The following GSE1 variants were observed in gnomAD, a reference collection of about 807,000 sequenced individuals.
GSE1 encodes the protein Gse1 coiled-coil protein.
Under a neutral mutation model 112.6 loss-of-function variants are expected in GSE1, and 32 were observed. The ratio of observed to expected loss-of-function variants is 0.28; its 90% confidence interval spans 0.21 to 0.38. GSE1 has a LOEUF of 0.38. GSE1 is among the 10% of genes least tolerant of loss of function. The pLI, the probability that GSE1 is intolerant of heterozygous loss-of-function variation, is 1.00. For missense variants in GSE1, 2,348 were observed against 1,699.2 expected (o/e 1.38, Z -6.71); for synonymous variants, 1,115 against 735.6 (o/e 1.52, Z -8.35).
At chr16:85,506,550 A>G (rs1449421165) in intron 2 of GSE1, among the ~76,000 whole-genome samples, 1 of 152,116 alleles carries the variant, frequency 6.6e-6, no homozygotes, top group Non-Finnish European at 1.5e-5. Flanking sequence ...TGGAGTGGCT[A>G]GTGCAGAAGG....
chr16:85,641,843 G>C (rs970639139), intron 2 of GSE1, among the ~76,000 whole-genome samples: 1 of 152,224 alleles, frequency 6.6e-6, no homozygotes, highest in Non-Finnish European at 1.5e-5. Context: ...TGTGGCTCCC[G>C]TGGGCCTCCT....
At chr16:85,610,449 G>A (rs999702021), upstream of GSE1, among the ~76,000 whole-genome samples, 9 of 152,248 alleles carry the variant, frequency 5.9e-5, no homozygotes, top group African/African-American at 1.7e-4. Context: ...AGGGAGGCCA[G>A]CCTTAGCCCC....
chr16:85,319,121 C>A (rs781227167), intron 1 of GSE1, among the ~76,000 whole-genome samples: 5 of 152,224 alleles, frequency 3.3e-5, no homozygotes, highest in Non-Finnish European at 7.3e-5. Context: ...TCGCTCACCC[C>A]CTCCCTTCTC....
At chr16:85,211,865 G>A (rs982316214) in intron 1 of GSE1, among the ~76,000 whole-genome samples, 1 of 152,226 alleles carries the variant, frequency 6.6e-6, no homozygotes, top group African/African-American at 2.4e-5. Flanking sequence ...TTTCCAGCAG[G>A]GCTCTCTTCC....
intron 1 of GSE1, among the ~76,000 whole-genome samples, chr16:85,240,642 G>A (rs997800112): frequency 2.1e-4 from 32 of 152,316 alleles, no homozygotes; most frequent in African/African-American, 7.0e-4. Flanking sequence ...TGCATGGAGG[G>A]GTCATGAAGA....
At chr16:85,428,465 G>A (rs1225727590) in intron 2 of GSE1, among the ~76,000 whole-genome samples, 2 of 152,256 alleles carry the variant, frequency 1.3e-5, no homozygotes, top group Admixed American at 6.5e-5. Flanking sequence ...TTGCTTAGCT[G>A]TAAAATGGGG....
intron 9 of GSE1, chr16:85,662,356 G>C (rs375870562): frequency 6.5e-6 from 1 of 153,796 alleles, no homozygotes; most frequent in African/African-American, 2.4e-5. Context: ...CTCCAGCCCA[G>C]TTTTCTTCCT....
At chr16:85,211,521 C>T (rs1053255809) in intron 1 of GSE1, among the ~76,000 whole-genome samples, 1 of 152,190 alleles carries the variant, frequency 6.6e-6, no homozygotes, top group African/African-American at 2.4e-5. Context: ...TCGCTTCAGT[C>T]ATCCATACGG....
Position 85,673,220 on chromosome 16 carries a change from T to C in GSE1, c.*681T>C, listed in dbSNP as rs749747368. The C allele has an allele frequency of 3.9e-5, 6 of 152,592 alleles. No homozygotes were observed. The highest frequency in any genetic ancestry group is 7.3e-5 in the Non-Finnish European group (5 of 68,038). The allele number at this position is 152,592 out of a possible 1,614,324, so 9.5% of individuals were successfully genotyped here. On this transcript the variant is annotated 3_prime_UTR_variant, in exon 16 of 16. Coordinates refer to ENST00000253458, the MANE Select transcript of GSE1 (RefSeq NM_014615.5). Reference sequence around the variant, plus strand: ...CGTGGGGAGCATGTACAGAGCTCTGTGTATACACAGCTTCACACCCACCAG... The same window carrying C: ...CGTGGGGAGCATGTACAGAGCTCTGCGTATACACAGCTTCACACCCACCAG...
intron 1 of GSE1, among the ~76,000 whole-genome samples, chr16:85,314,615 C>A (rs1183170443): frequency 6.6e-6 from 1 of 152,202 alleles, no homozygotes; most frequent in Non-Finnish European, 1.5e-5. Context: ...CTCCCTCCTT[C>A]CTCGCCCCAC....
intron 2 of GSE1, among the ~76,000 whole-genome samples, chr16:85,389,400 C>T (rs1312034959): frequency 7.2e-6 from 1 of 139,304 alleles, no homozygotes; most frequent in Non-Finnish European, 1.5e-5. Context: ...GGGGAGGTTG[C>T]GGTGAGCCGA....
chr16:85,262,174 C>T (rs950807175), intron 1 of GSE1, among the ~76,000 whole-genome samples: 3 of 152,240 alleles, frequency 2.0e-5, no homozygotes, highest in Non-Finnish European at 4.4e-5. Flanking sequence ...TTTCTGAAAA[C>T]TGACGATGAC....
chr16:85,315,404 A>G (rs183543434), intron 1 of GSE1, among the ~76,000 whole-genome samples: 1 of 152,274 alleles, frequency 6.6e-6, no homozygotes, highest in African/African-American at 2.4e-5. Flanking sequence ...ACCATGGTGG[A>G]TGGTGATCCT....
At chr16:85,251,190 C>T (rs896051512) in intron 1 of GSE1, among the ~76,000 whole-genome samples, 1 of 152,210 alleles carries the variant, frequency 6.6e-6, no homozygotes, top group African/African-American at 2.4e-5. Flanking sequence ...TCTTGGGCAC[C>T]TCCGTGTGTG....
At position 85,216,275 on chromosome 16, in the gene GSE1, G is replaced by A. The variant is rs758795878; in HGVS notation, c.2283+44468G>A. On this transcript the variant is annotated intron_variant, in intron 1 of 2. Transcript: ENST00000637419. ...AAAAATTAGCCAGGCATGGTGGTGT[G>A]CACCTGTAGTCCCAGCTACTCAGGA... Among the ~76,000 whole-genome samples the A allele has an allele frequency of 5.9e-5, 9 of 152,248 alleles. No individual in the cohort carries two copies. In the Middle Eastern group the frequency reaches 0.01, roughly 173 times the overall value.
chr16:85,438,174 G>A (rs1449823148), intron 2 of GSE1, among the ~76,000 whole-genome samples: 1 of 152,158 alleles, frequency 6.6e-6, no homozygotes, highest in Non-Finnish European at 1.5e-5. Flanking sequence ...GAGCCCCCAC[G>A]GGGTACCTAA....
intron 1 of GSE1, among the ~76,000 whole-genome samples, chr16:85,279,190 G>C (rs1050371392): frequency 2.0e-5 from 3 of 152,240 alleles, no homozygotes; most frequent in Non-Finnish European, 2.9e-5. Context: ...AGTGGGGAGG[G>C]GGGAGGAGGA....
At chr16:85,305,797 T>A (rs866315718) in intron 1 of GSE1, among the ~76,000 whole-genome samples, 3 of 152,120 alleles carry the variant, frequency 2.0e-5, no homozygotes, top group Admixed American at 6.5e-5. Context: ...TTTTTTAAAG[T>A]TCCCCTGGTG....
intron 1 of GSE1, among the ~76,000 whole-genome samples, chr16:85,340,700 A>G (rs1333641223): frequency 6.6e-6 from 1 of 152,144 alleles, no homozygotes; most frequent in Non-Finnish European, 1.5e-5. Flanking sequence ...TCCTGATACC[A>G]TTGTGTGTGG....
Sources: allele counts gnomAD v4.1 joint callset (sites outside exome capture counted in the v4.1 genomes callset), GRCh38; gene constraint gnomAD v4.1.1; transcripts MANE v1.5; gene names NCBI Gene and HGNC (gene_info 2026-07-23, HGNC 2026-07-21).